PID1: variants seen among roughly 807,000 people sequenced by gnomAD.
PID1 encodes PTB-containing, cubilin and LRP1-interacting protein.
A neutral mutation model predicts 19.1 loss-of-function variants in PID1; 10 were observed. The ratio of observed to expected loss-of-function variants is 0.52; its 90% confidence interval spans 0.32 to 0.89. PID1 has a LOEUF of 0.89. PID1 is among the 40% of genes least tolerant of loss of function. PID1 has a pLI of 0.03. For synonymous variants in PID1, 130 were observed against 116.0 expected (o/e 1.12, Z -0.78); for missense variants, 248 against 285.3 (o/e 0.87, Z 0.94).
chr2:229,079,140 A>C (rs1694622066), intron 2 of PID1, among the ~76,000 whole-genome samples: 1 of 152,222 alleles, frequency 6.6e-6, no homozygotes, highest in Admixed American at 6.5e-5. Flanking sequence ...AGTTATTATA[A>C]ATCAGAAACC....
intron 2 of PID1, among the ~76,000 whole-genome samples, chr2:229,077,765 C>T (rs13224394): frequency 6.6e-6 from 1 of 152,156 alleles, no homozygotes; most frequent in South Asian, 2.1e-4. Flanking sequence ...GGTACCAGTA[C>T]CATGCCATTT....
intron 2 of PID1, among the ~76,000 whole-genome samples, chr2:229,114,137 C>CTCTCTCTT (rs1695360984): frequency 6.8e-6 from 1 of 146,918 alleles, no homozygotes; most frequent in Non-Finnish European, 1.5e-5. Context: ...CTCTCTCTTT[C>CTCTCTCTT]TCTCTCTCTC....
intron 1 of PID1, among the ~76,000 whole-genome samples, chr2:229,202,865 T>C (rs114016377): frequency 0.016 from 2,367 of 152,202 alleles, 50 homozygotes; most frequent in African/African-American, 0.053. Flanking sequence ...ATGGTTACCA[T>C]TAATGTCCTT....
intron 2 of PID1, among the ~76,000 whole-genome samples, chr2:229,034,413 G>A (rs1693617876): frequency 6.6e-6 from 1 of 152,214 alleles, no homozygotes; most frequent in Non-Finnish European, 1.5e-5. Flanking sequence ...ACTTGTAAGA[G>A]GTTGAAGTAA....
chr2:229,176,792 G>A (rs955517819), intron 1 of PID1, among the ~76,000 whole-genome samples: 3 of 152,138 alleles, frequency 2.0e-5, no homozygotes, highest in Non-Finnish European at 4.4e-5. Context: ...TCCAGCAGTA[G>A]GTGAAGAAAG....
chr2:229,225,592 AC>A (rs201834451), intron 1 of PID1, among the ~76,000 whole-genome samples: 6,004 of 152,216 alleles, frequency 0.039, 420 homozygotes, highest in African/African-American at 0.14. Flanking sequence ...GCTCTACTGA[AC>A]CCTTTTCAGG....
intron 1 of PID1, among the ~76,000 whole-genome samples, chr2:229,160,653 T>A (rs1574679100): frequency 6.6e-6 from 1 of 152,084 alleles, no homozygotes; most frequent in East Asian, 1.9e-4. Flanking sequence ...CAACTGCAAA[T>A]CTGTGTGAGA....
At chr2:229,063,440 C>T (rs1694256181) in intron 2 of PID1, among the ~76,000 whole-genome samples, 1 of 152,046 alleles carries the variant, frequency 6.6e-6, no homozygotes, top group Non-Finnish European at 1.5e-5. Context: ...CTCCAAAATT[C>T]TTCCTGTTGT....
At chr2:229,260,129 T>C (rs1365213150) in intron 1 of PID1, among the ~76,000 whole-genome samples, 1 of 152,098 alleles carries the variant, frequency 6.6e-6, no homozygotes, top group Non-Finnish European at 1.5e-5. Context: ...TAACTCTCAA[T>C]AAAAGCCCTC....
chr2:229,064,047 A>T (rs1400407800), intron 2 of PID1, among the ~76,000 whole-genome samples: 1 of 152,102 alleles, frequency 6.6e-6, no homozygotes, highest in East Asian at 1.9e-4. Flanking sequence ...GGTGAGAGAA[A>T]ATGTTGAGGC....
intron 1 of PID1, among the ~76,000 whole-genome samples, chr2:229,219,335 G>A (rs903453606): frequency 1.3e-5 from 2 of 152,112 alleles, no homozygotes; most frequent in African/African-American, 4.8e-5. Flanking sequence ...CAGCAAACAT[G>A]TCCTTCTTCA....
At chr2:229,160,046 TG>T (rs1454362385) in intron 1 of PID1, among the ~76,000 whole-genome samples, 3 of 152,164 alleles carry the variant, frequency 2.0e-5, no homozygotes, top group Admixed American at 6.5e-5. Context: ...TTTGAGTAAG[TG>T]GGGGTATCTC....
intron 2 of PID1, among the ~76,000 whole-genome samples, chr2:229,148,649 G>C (rs1176414676): frequency 6.6e-6 from 1 of 151,988 alleles, no homozygotes; most frequent in African/African-American, 2.4e-5. Context: ...ATAAATTCTT[G>C]TGGATGTAGA....
chr2:229,043,478 A>G (rs191579164), intron 2 of PID1, among the ~76,000 whole-genome samples: 2 of 152,360 alleles, frequency 1.3e-5, no homozygotes, highest in East Asian at 1.9e-4. Flanking sequence ...CTCTTCTTTA[A>G]TGTTTGGAAA....
intron 2 of PID1, among the ~76,000 whole-genome samples, chr2:229,107,503 CAAAAAAAA>C (rs36057425): frequency 3.1e-4 from 37 of 119,238 alleles, no homozygotes; most frequent in Non-Finnish European, 5.7e-4. Flanking sequence ...AATATATCAC[CAAAAAAAA>C]AAAAAAAAAG....
chr2:229,087,165 G>T (rs1176295012), intron 2 of PID1, among the ~76,000 whole-genome samples: 1 of 151,988 alleles, frequency 6.6e-6, no homozygotes, highest in Non-Finnish European at 1.5e-5. Context: ...TTTACCCTGT[G>T]GGAAGAGTTA....
At chr2:229,174,608 T>C (rs937857333) in intron 1 of PID1, among the ~76,000 whole-genome samples, 1 of 151,172 alleles carries the variant, frequency 6.6e-6, no homozygotes, top group South Asian at 2.1e-4. Flanking sequence ...CCCCAACCCA[T>C]AAAATGTCAG....
intron 1 of PID1, among the ~76,000 whole-genome samples, chr2:229,235,206 T>C (rs1416474363): frequency 6.6e-6 from 1 of 152,116 alleles, no homozygotes; most frequent in Non-Finnish European, 1.5e-5. Context: ...GGAGGAGCTC[T>C]CAGAAGCAGT....
chr2:229,119,507 C>G (rs1695476044), intron 2 of PID1, among the ~76,000 whole-genome samples: 1 of 152,086 alleles, frequency 6.6e-6, no homozygotes, highest in Admixed American at 6.5e-5. Flanking sequence ...TTAAAGCCAT[C>G]AGTAATGGAA....
Sources: gnomAD v4.1 joint callset for allele counts (sites outside exome capture counted in the v4.1 genomes callset) on GRCh38, gnomAD v4.1.1 for gene constraint, MANE v1.5 for transcripts, NCBI Gene and HGNC (gene_info 2026-07-23, HGNC 2026-07-21) for gene names.